The following SLC4A4 variants were observed in gnomAD, a reference collection of about 807,000 sequenced individuals.
SLC4A4 encodes solute carrier family 4 member 4.
In SLC4A4, 27 loss-of-function variants were observed where a neutral mutation model predicts 111.5. That is an observed-to-expected ratio of 0.24 (90% CI 0.18 to 0.33). The LOEUF (loss-of-function observed/expected upper bound fraction) is 0.33. SLC4A4 is among the 10% of genes least tolerant of loss of function. The pLI is 1.00. For synonymous variants in SLC4A4, 443 were observed against 463.4 expected, an observed-to-expected ratio of 0.96 and a Z score of 0.57; for missense variants, 909 against 1,315.5, an observed-to-expected ratio of 0.69 and a Z score of 4.78.
chr4:71,571,491 G>A lies in SLC4A4; in HGVS notation c.*3740G>A, dbSNP rs1159010265. The A allele has an allele frequency of 6.6e-6, 1 of 152,198 alleles. No individual in the cohort carries two copies. Among genetic ancestry groups the A allele is most frequent in the African/African-American group, 2.4e-5 (1 of 41,388 alleles). The allele number at this position is 152,198 out of a possible 1,614,324, so 9.4% of individuals were successfully genotyped here. On this transcript the variant is annotated 3_prime_UTR_variant, in exon 26 of 26. Coordinates refer to ENST00000264485, the MANE Select transcript of SLC4A4 (RefSeq NM_001098484.3). ...CAGCCTGAAATTTTAAAAAAGTTGT[G>A]TAATACGCCAACCAGTCAAGTTGTG... is the stretch of plus-strand genomic sequence containing the variant.
At chr4:71,172,901 G>GAA (rs1377108174) in intron 2 of SLC4A4, among the ~76,000 whole-genome samples, 1 of 152,182 alleles carries the variant, frequency 6.6e-6, no homozygotes, top group African/African-American at 2.4e-5. Context: ...TACTTTACAA[G>GAA]ATCCCTAGTG....
chr4:71,254,926 A>G (rs1459737900), intron 2 of SLC4A4, among the ~76,000 whole-genome samples: 1 of 152,164 alleles, frequency 6.6e-6, no homozygotes, highest in Non-Finnish European at 1.5e-5. Context: ...AGTATGACAA[A>G]CATGAAGGAT....
chr4:71,457,729 G>T (rs1450167473), intron 12 of SLC4A4, among the ~76,000 whole-genome samples: 1 of 151,956 alleles, frequency 6.6e-6, no homozygotes, highest in Non-Finnish European at 1.5e-5. Context: ...TAAACTCTCT[G>T]TAACCATGCA....
intron 15 of SLC4A4, among the ~76,000 whole-genome samples, chr4:71,489,404 T>C (rs1252609921): frequency 6.6e-6 from 1 of 151,762 alleles, no homozygotes; most frequent in Non-Finnish European, 1.5e-5. Context: ...CATGACTTAA[T>C]AAGCTGTGGA....
At chr4:71,146,123 GTCCCAGAGA>G (rs1211002046) in intron 2 of SLC4A4, among the ~76,000 whole-genome samples, 1 of 152,158 alleles carries the variant, frequency 6.6e-6, no homozygotes, top group African/African-American at 2.4e-5. Flanking sequence ...CTTTGAATGT[GTCCCAGAGA>G]TTCTGGTATG....
At chr4:71,171,585 T>G (rs1744942066) in intron 2 of SLC4A4, among the ~76,000 whole-genome samples, 1 of 152,244 alleles carries the variant, frequency 6.6e-6, no homozygotes, top group East Asian at 1.9e-4. Flanking sequence ...AATGCAGCAT[T>G]GAATTCATTT....
intron 1 of SLC4A4, among the ~76,000 whole-genome samples, chr4:71,076,152 T>C (rs533114865): frequency 6.6e-6 from 1 of 152,292 alleles, no homozygotes; most frequent in South Asian, 2.1e-4. Flanking sequence ...TAAACTCCAC[T>C]GAGGACAAAA....
intron 2 of SLC4A4, among the ~76,000 whole-genome samples, chr4:71,119,989 T>G (rs750164822): frequency 8.5e-5 from 13 of 152,310 alleles, no homozygotes; most frequent in Non-Finnish European, 1.5e-4. Context: ...ACTTTGTGTA[T>G]TTTCCTCTTT....
At chr4:71,224,120 A>C (rs984731586) in intron 1 of SLC4A4, among the ~76,000 whole-genome samples, 1 of 151,942 alleles carries the variant, frequency 6.6e-6, no homozygotes, top group African/African-American at 2.4e-5. Context: ...TGGAGAACTC[A>C]CATCCATAGC....
intron 7 of SLC4A4, among the ~76,000 whole-genome samples, chr4:71,422,912 C>T (rs558522887): frequency 6.6e-6 from 1 of 152,178 alleles, no homozygotes; most frequent in African/African-American, 2.4e-5. Context: ...GAAGCATTCC[C>T]TTTGAAAACT....
intron 7 of SLC4A4, among the ~76,000 whole-genome samples, chr4:71,411,942 C>A (rs1721398529): frequency 1.3e-5 from 2 of 152,142 alleles, no homozygotes; most frequent in African/African-American, 4.8e-5. Context: ...CAATTAATAG[C>A]CAGTGTAAAA....
At chr4:71,536,677 G>A (rs1357957886) in intron 18 of SLC4A4, among the ~76,000 whole-genome samples, 2 of 149,630 alleles carry the variant, frequency 1.3e-5, no homozygotes, top group East Asian at 4.0e-4. Flanking sequence ...TGTATTTTTA[G>A]TAGAGACGGG....
In SLC4A4 at chr4:71,327,409, A is replaced by G. The variant is rs1727584777; in HGVS notation, c.254-11961A>G. The stretch of plus-strand genomic sequence containing the variant: ...TGGCAGCTAACAAATGGGCTTAGAA[A>G]CAACACAAATGGGTTTGAAGTCATA... On this transcript the variant is annotated intron_variant, in intron 3 of 25. Coordinates refer to ENST00000264485, the MANE Select transcript of SLC4A4 (RefSeq NM_001098484.3). Among the ~76,000 whole-genome samples the G allele has an allele frequency of 2.6e-5, 4 of 152,070 alleles. No individual in the cohort carries two copies. The East Asian group carries it at 7.7e-4, about 29-fold the overall frequency.
chr4:71,110,788 C>G (rs1439358145), intron 2 of SLC4A4, among the ~76,000 whole-genome samples: 3 of 152,128 alleles, frequency 2.0e-5, no homozygotes, highest in Admixed American at 6.5e-5. Flanking sequence ...AAATGATTTG[C>G]TTTGTAATGG....
chr4:71,293,235 C>A (rs573704031), intron 3 of SLC4A4, among the ~76,000 whole-genome samples: 1 of 151,286 alleles, frequency 6.6e-6, no homozygotes, highest in Non-Finnish European at 1.5e-5. Flanking sequence ...AAACAAATCA[C>A]TTGCTTAGGA....
At chr4:71,175,927 C>A (rs549392093) in intron 2 of SLC4A4, among the ~76,000 whole-genome samples, 224 of 152,348 alleles carry the variant, frequency 1.5e-3, no homozygotes, top group Non-Finnish European at 2.7e-3. Flanking sequence ...AGGCACCCCC[C>A]AGTAGGGGCA....
intron 9 of SLC4A4, among the ~76,000 whole-genome samples, chr4:71,448,152 T>A (rs1313365970): frequency 6.6e-6 from 1 of 151,932 alleles, no homozygotes; most frequent in Non-Finnish European, 1.5e-5. Context: ...AAAACCCGTT[T>A]CTACTAAAAA....
chr4:71,089,058 G>C (rs914379852), intron 1 of SLC4A4, among the ~76,000 whole-genome samples: 1 of 151,852 alleles, frequency 6.6e-6, no homozygotes, highest in Non-Finnish European at 1.5e-5. Flanking sequence ...AGGTAGATTT[G>C]GTCTTTTCAC....
chr4:71,496,554 C>T (rs746980016), intron 15 of SLC4A4, among the ~76,000 whole-genome samples: 3 of 151,964 alleles, frequency 2.0e-5, no homozygotes, highest in Non-Finnish European at 4.4e-5. Flanking sequence ...CACTACATTG[C>T]AGGTGAGGTG....
Sources: allele counts gnomAD v4.1 joint callset (sites outside exome capture counted in the v4.1 genomes callset), GRCh38; gene constraint gnomAD v4.1.1; transcripts MANE v1.5; gene names NCBI Gene and HGNC (gene_info 2026-07-23, HGNC 2026-07-21).